The following RIT2 variants were observed in gnomAD, a reference collection of about 807,000 sequenced individuals.
RIT2 encodes the protein GTP-binding protein Rit2.
In RIT2, 24 loss-of-function variants were observed where a neutral mutation model predicts 23.7. The observed-to-expected ratio is 1.01, with a 90% CI of 0.73 to 1.43. The LOEUF is 1.43. Among genes scored for constraint, RIT2 ranks in the 40% most tolerant of loss-of-function variants. The pLI is 0.00. For missense variants in RIT2, 236 were observed against 266.9 expected, an observed-to-expected ratio of 0.88 and a Z score of 0.81; for synonymous variants, 107 against 91.1, an observed-to-expected ratio of 1.17 and a Z score of -0.99.
At chr18:43,113,953 C>G (rs1225010464) in intron 1 of RIT2, among the ~76,000 whole-genome samples, 2 of 152,110 alleles carry the variant, frequency 1.3e-5, no homozygotes, top group Non-Finnish European at 2.9e-5. Flanking sequence ...TTCTTCCTCA[C>G]TGTATCTGAC....
At chr18:42,751,002 A>G (rs572053245) in intron 4 of RIT2, among the ~76,000 whole-genome samples, 8 of 152,020 alleles carry the variant, frequency 5.3e-5, no homozygotes, top group African/African-American at 1.9e-4. Context: ...TAAACCTATA[A>G]TTGTTCAGGC....
intron 4 of RIT2, among the ~76,000 whole-genome samples, chr18:42,767,828 G>A (rs1057438837): frequency 8.5e-5 from 13 of 152,112 alleles, no homozygotes; most frequent in Admixed American, 7.9e-4. Context: ...AGTCTCATAA[G>A]ATCTGATGGG....
intron 3 of RIT2, among the ~76,000 whole-genome samples, chr18:42,949,367 G>A (rs1445960542): frequency 6.6e-6 from 1 of 152,056 alleles, no homozygotes; most frequent in African/African-American, 2.4e-5. Flanking sequence ...AGTAAATTAT[G>A]TGTATGTTCA....
intron 4 of RIT2, among the ~76,000 whole-genome samples, chr18:42,816,456 A>T (rs1185586053): frequency 6.6e-6 from 1 of 152,190 alleles, no homozygotes; most frequent in African/African-American, 2.4e-5. Flanking sequence ...AGTAAAATGC[A>T]ACACTGGGAA....
intron 1 of RIT2, among the ~76,000 whole-genome samples, chr18:43,043,672 C>A (rs1201109080): frequency 6.6e-6 from 1 of 152,016 alleles, no homozygotes; most frequent in Non-Finnish European, 1.5e-5. Context: ...TGTCTGTAAT[C>A]CCAGCTACTC....
chr18:42,957,283 C>T (rs543161373), intron 3 of RIT2, among the ~76,000 whole-genome samples: 1 of 151,992 alleles, frequency 6.6e-6, no homozygotes, highest in Non-Finnish European at 1.5e-5. Context: ...TAAAGTAGAA[C>T]AAGAATTTAA....
At chr18:43,053,420 A>G (rs1256537466) in intron 1 of RIT2, among the ~76,000 whole-genome samples, 1 of 152,062 alleles carries the variant, frequency 6.6e-6, no homozygotes, top group South Asian at 2.1e-4. Context: ...ATGGAAAGCT[A>G]TCATAACCCC....
At chr18:42,981,304 G>A (rs891547237) in intron 2 of RIT2, among the ~76,000 whole-genome samples, 2 of 152,052 alleles carry the variant, frequency 1.3e-5, no homozygotes, top group African/African-American at 4.8e-5. Flanking sequence ...ATGACAGAAT[G>A]AGCTTAAATA....
At chr18:42,778,374 T>C (rs1913726691) in intron 4 of RIT2, among the ~76,000 whole-genome samples, 2 of 152,192 alleles carry the variant, frequency 1.3e-5, no homozygotes, top group African/African-American at 2.4e-5. Context: ...TTTTTTTCTC[T>C]TTTTTAAATC....
intron 4 of RIT2, among the ~76,000 whole-genome samples, chr18:42,906,887 G>C (rs933695330): frequency 1.3e-4 from 20 of 152,176 alleles, no homozygotes; most frequent in Non-Finnish European, 8.8e-5. Flanking sequence ...CTAGCCAACC[G>C]TCCTGCCTAT....
At chr18:43,006,904 A>C (rs1310831647) in intron 2 of RIT2, among the ~76,000 whole-genome samples, 18 of 151,456 alleles carry the variant, frequency 1.2e-4, no homozygotes, top group Admixed American at 1.2e-3. Flanking sequence ...TATTAAGAGA[A>C]TGCTTTATAC....
intron 1 of RIT2, among the ~76,000 whole-genome samples, chr18:43,055,951 A>T (rs1458294095): frequency 6.6e-6 from 1 of 152,102 alleles, no homozygotes; most frequent in Non-Finnish European, 1.5e-5. Flanking sequence ...GCAACCTAAA[A>T]ATTAGAATTT....
intron 1 of RIT2, among the ~76,000 whole-genome samples, chr18:43,049,875 G>A (rs1399096244): frequency 6.6e-6 from 1 of 150,888 alleles, no homozygotes; most frequent in African/African-American, 2.4e-5. Flanking sequence ...GATGGAGGCT[G>A]GAGAGAAAAT....
At chr18:43,081,236 C>A (rs1435048440) in intron 1 of RIT2, among the ~76,000 whole-genome samples, 2 of 152,114 alleles carry the variant, frequency 1.3e-5, no homozygotes, top group Non-Finnish European at 2.9e-5. Flanking sequence ...TACATAATAA[C>A]ACTTAGAAAA....
intron 2 of RIT2, among the ~76,000 whole-genome samples, chr18:42,986,838 T>G (rs2144221618): frequency 6.6e-6 from 1 of 152,186 alleles, no homozygotes; most frequent in East Asian, 1.9e-4. Flanking sequence ...AAATGTAAAT[T>G]ATTATTTTAG....
Position 42,793,972 on chromosome 18 carries a change from A to C in RIT2, c.427-50252T>G, listed in dbSNP as rs577616094. Among the ~76,000 whole-genome samples, 5 of 151,776 alleles carry C rather than the reference A, an allele frequency of 3.3e-5. No individual in the cohort carries two copies. In the South Asian group the frequency reaches 1.0e-3, roughly 32 times the overall value. ...TTCTCTCATATCCAAATCCCTTACA[A>C]TTTCTCATTAGCACCCTACAATTAA... On this transcript the variant is annotated intron_variant, in intron 4 of 4. Coordinates refer to ENST00000326695, the MANE Select transcript of RIT2 (RefSeq NM_002930.4).
At chr18:43,013,033 T>C (rs971679271) in intron 2 of RIT2, among the ~76,000 whole-genome samples, 1 of 151,838 alleles carries the variant, frequency 6.6e-6, no homozygotes, top group Non-Finnish European at 1.5e-5. Context: ...GTGTCTCAGA[T>C]GCTCTTCTCC....
intron 1 of RIT2, among the ~76,000 whole-genome samples, chr18:43,049,584 A>G (rs1394022906): frequency 6.6e-6 from 1 of 152,162 alleles, no homozygotes; most frequent in African/African-American, 2.4e-5. Context: ...AAATGTTATG[A>G]TAGTTAATTG....
At chr18:43,064,026 A>G (rs1568071501) in intron 1 of RIT2, among the ~76,000 whole-genome samples, 1 of 152,208 alleles carries the variant, frequency 6.6e-6, no homozygotes, top group Non-Finnish European at 1.5e-5. Context: ...ATTAGAGACT[A>G]AGAAGTTCAG....
Sources: gnomAD v4.1 joint callset for allele counts (sites outside exome capture counted in the v4.1 genomes callset) on GRCh38, gnomAD v4.1.1 for gene constraint, MANE v1.5 for transcripts, NCBI Gene and HGNC (gene_info 2026-07-23, HGNC 2026-07-21) for gene names.